The following PACRGL variants were observed in gnomAD, a reference collection of about 807,000 sequenced individuals.
PACRGL encodes parkin coregulated like.
Under a neutral mutation model 34.5 loss-of-function variants are expected in PACRGL, and 38 were observed. The ratio of observed to expected loss-of-function variants is 1.10; its 90% CI spans 0.85 to 1.44. The LOEUF is 1.44. Among genes scored for constraint, PACRGL ranks in the 40% most tolerant of loss-of-function variants. The probability of loss-of-function intolerance (pLI) is 0.00; values close to 1 mark genes in which losing one functional copy is unlikely to be tolerated. For missense variants in PACRGL, 305 were observed against 281.4 expected (o/e 1.08, Z -0.60); for synonymous variants, 128 against 100.1 (o/e 1.28, Z -1.66).
intron 8 of PACRGL, among the ~76,000 whole-genome samples, chr4:20,743,344 ACAT>A (rs1438592273): frequency 6.6e-6 from 1 of 152,160 alleles, no homozygotes; most frequent in African/African-American, 2.4e-5. Context: ...AAAGCTGGAG[ACAT>A]CATGCTGCCT....
At chr4:20,753,109 G>A (rs911605800), downstream of PACRGL, among the ~76,000 whole-genome samples, 11 of 152,060 alleles carry the variant, frequency 7.2e-5, no homozygotes, top group African/African-American at 2.7e-4. Context: ...TTATAGTTGA[G>A]CAACAAAATT....
At chr4:20,700,419 C>A (rs1344325885), upstream of PACRGL, 1 of 152,150 alleles carries the variant, frequency 6.6e-6, no homozygotes, top group Non-Finnish European at 1.5e-5. Context: ...CGTCATTGCG[C>A]GGCGCGACCA....
chr4:20,729,807 A>G lies in PACRGL; in HGVS notation c.*2466A>G. ...CAATAATCCCATGGCTAAGGAACCA[A>G]TAAAACTATATGCCAGATTCTATTA... is the stretch of plus-strand genomic sequence containing the variant. On this transcript the variant is annotated 3_prime_UTR_variant, in exon 9 of 9. Transcript: ENST00000503585. 1 of 324,662 alleles carries G rather than the reference A, an allele frequency of 3.1e-6. No individual in the cohort carries two copies. Among genetic ancestry groups the G allele is most frequent in the Non-Finnish European group, 5.6e-6 (1 of 178,976 alleles). The allele number at this position is 324,662 out of a possible 1,614,324, so 20.1% of individuals were successfully genotyped here.
chr4:20,732,675 T>A (rs951376556), downstream of PACRGL: 2 of 1,591,930 alleles, frequency 1.3e-6, no homozygotes, highest in African/African-American at 1.3e-5. Flanking sequence ...CTGTTTTAAT[T>A]CCTACCTGAA....
intron 7 of PACRGL, chr4:20,716,281 A>G: frequency 1.6e-6 from 1 of 632,468 alleles, no homozygotes; most frequent in South Asian, 1.9e-5. Context: ...TCCATGAGAG[A>G]CCAGTCATGG....
chr4:20,705,621 C>T (rs1734155118), intron 3 of PACRGL, among the ~76,000 whole-genome samples: 1 of 152,058 alleles, frequency 6.6e-6, no homozygotes, highest in African/African-American at 2.4e-5. Flanking sequence ...AATCTTGTTG[C>T]TCTCACTTCC....
chr4:20,756,333 G>A (rs1181819968), downstream of PACRGL, among the ~76,000 whole-genome samples: 1 of 152,064 alleles, frequency 6.6e-6, no homozygotes, highest in Non-Finnish European at 1.5e-5. Flanking sequence ...CTGAACTCCC[G>A]ATTCATGGAC....
chr4:20,713,586 ACCAT>A, intron 7 of PACRGL, 47 bp downstream of exon 7: 1 of 1,427,518 alleles, frequency 7.0e-7, no homozygotes, highest in Non-Finnish European at 9.9e-7. Context: ...TGTATCATGC[ACCAT>A]CCATATCTCT....
chr4:20,753,764 A>G (rs73802310), downstream of PACRGL, among the ~76,000 whole-genome samples: 737 of 152,336 alleles, frequency 4.8e-3, 6 homozygotes, highest in African/African-American at 0.016. Context: ...TCCTAGGACA[A>G]GAAGGATACT....
At position 20,727,504 on chromosome 4, in the gene PACRGL, AAC is replaced by A. The variant is rs1426357636; in HGVS notation, c.*165_*166del. 3.8e-5 allele frequency: 21 copies of A among 547,420 alleles called. No individual in the cohort carries two copies. The highest frequency in any genetic ancestry group is 4.9e-5 in the Non-Finnish European group (15 of 309,250). 33.9% of individuals were successfully genotyped at this position (547,420 alleles called of 1,614,324 possible). ...TCAAAGTTATTCATCAACAAAAAAG[AAC>A]AGTTACTAATGGAAAGTTATTAAAA... On this transcript the variant is annotated 3_prime_UTR_variant, in exon 9 of 9. Coordinates refer to ENST00000503585, the MANE Select transcript of PACRGL (RefSeq NM_001258345.3).
downstream of PACRGL, among the ~76,000 whole-genome samples, chr4:20,733,608 A>T (rs112843058): frequency 4.6e-5 from 7 of 152,230 alleles, no homozygotes; most frequent in African/African-American, 1.4e-4. Context: ...TGTTAGACAC[A>T]GGCAGAATTC....
chr4:20,710,530 A>G (rs1393219623), intron 5 of PACRGL, among the ~76,000 whole-genome samples: 1 of 152,174 alleles, frequency 6.6e-6, no homozygotes, highest in Non-Finnish European at 1.5e-5. Flanking sequence ...TTAGTAATAA[A>G]GCACCTGAGT....
the PACRGL span, among the ~76,000 whole-genome samples, chr4:20,764,900 G>A: frequency 6.6e-6 from 1 of 152,100 alleles, no homozygotes; most frequent in Non-Finnish European, 1.5e-5. Context: ...GCGGTTTATT[G>A]AGGATAAAAT....
At chr4:20,732,697 A>G (rs755804102), downstream of PACRGL, 9 of 1,610,626 alleles carry the variant, frequency 5.6e-6, 1 homozygote, top group South Asian at 5.5e-5. Context: ...AAATGTTTCA[A>G]CGTGTTGTCT....
At chr4:20,725,332 C>T (rs140525513) in intron 8 of PACRGL, among the ~76,000 whole-genome samples, 55 of 148,662 alleles carry the variant, frequency 3.7e-4, no homozygotes, top group African/African-American at 1.1e-3. Flanking sequence ...TCTGTAAGTG[C>T]GTGCATACCC....
chr4:20,714,404 G>A lies in PACRGL; in HGVS notation c.609+865G>A, dbSNP rs545506042. On this transcript the variant is annotated intron_variant, in intron 7 of 8. Coordinates refer to ENST00000503585, the MANE Select transcript of PACRGL (RefSeq NM_001258345.3). ...AGCCTATGTGTGTCTCTTCATGTGA[G>A]ATGGATTTCCTGAATACAGCACACT... 1.2e-4 allele frequency among the ~76,000 whole-genome samples: 19 copies of A among 152,224 alleles called. No individual in the cohort carries two copies. In the South Asian group the frequency reaches 1.9e-3, roughly 15 times the overall value.
upstream of PACRGL, among the ~76,000 whole-genome samples, chr4:20,699,382 A>G (rs1198255411): frequency 6.6e-6 from 1 of 152,246 alleles, no homozygotes; most frequent in Non-Finnish European, 1.5e-5. Context: ...TTTGTATGCA[A>G]GGTTCACAGA....
At chr4:20,765,714 C>A in the PACRGL span, among the ~76,000 whole-genome samples, 35,535 of 152,052 alleles carry the variant, frequency 0.23, 5,154 homozygotes, top group African/African-American at 0.41. Context: ...CATTGCATTT[C>A]TTTCATTGCC....
intron 7 of PACRGL, chr4:20,716,370 T>A: frequency 1.7e-6 from 1 of 583,904 alleles, no homozygotes; most frequent in Non-Finnish European, 3.0e-6. Context: ...TAATTATACT[T>A]TAAGTTCTAG....
Sources: gnomAD v4.1 joint callset for allele counts (sites outside exome capture counted in the v4.1 genomes callset) on GRCh38, gnomAD v4.1.1 for gene constraint, MANE v1.5 for transcripts, NCBI Gene and HGNC (gene_info 2026-07-23, HGNC 2026-07-21) for gene names.